The following GANC variants were observed in gnomAD, a reference collection of about 807,000 sequenced individuals.
GANC encodes glucosidase alpha, neutral C.
Under a neutral mutation model 124.2 loss-of-function variants are expected in GANC, and 117 were observed. The ratio of observed to expected loss-of-function variants is 0.94; its 90% CI spans 0.81 to 1.10. The LOEUF is 1.10. Ranked by LOEUF, GANC falls within the 50% of genes least tolerant of loss-of-function variation. The pLI is 0.00. For missense variants in GANC, 1,140 were observed against 1,095.0 expected (o/e 1.04, Z -0.58); for synonymous variants, 377 against 376.8 (o/e 1.00, Z -0.01).
intron 20 of GANC, among the ~76,000 whole-genome samples, chr15:42,346,350 A>C (rs2052363460): frequency 6.6e-6 from 1 of 152,174 alleles, no homozygotes; most frequent in Non-Finnish European, 1.5e-5. Flanking sequence ...GTGCTGGGGC[A>C]GAGGAGGGTT....
At chr15:42,344,257 C>T (rs982858321) in intron 19 of GANC, among the ~76,000 whole-genome samples, 3 of 152,214 alleles carry the variant, frequency 2.0e-5, no homozygotes, top group Non-Finnish European at 4.4e-5. Context: ...AAGGTGTCAT[C>T]AGGGTTGGTT....
intron 2 of GANC, among the ~76,000 whole-genome samples, chr15:42,277,224 C>T (rs2051680035): frequency 6.6e-6 from 1 of 152,154 alleles, no homozygotes; most frequent in South Asian, 2.1e-4. Context: ...ATTTGTACTC[C>T]TATCAACATT....
At chr15:42,328,372 A>C (rs1018893416) in intron 13 of GANC, among the ~76,000 whole-genome samples, 1 of 152,168 alleles carries the variant, frequency 6.6e-6, no homozygotes, top group African/African-American at 2.4e-5. Flanking sequence ...AATATTTACT[A>C]TCTGGACCTT....
intron 15 of GANC, among the ~76,000 whole-genome samples, chr15:42,332,851 T>TATAAAAA (rs2052256582): frequency 8.3e-6 from 1 of 120,516 alleles, no homozygotes; most frequent in Non-Finnish European, 1.7e-5. Context: ...CTGTCTCTAC[T>TATAAAAA]AAAAAAAAAA....
At chr15:42,339,146 C>T (rs571784084) in intron 16 of GANC, among the ~76,000 whole-genome samples, 32 of 152,128 alleles carry the variant, frequency 2.1e-4, no homozygotes, top group Non-Finnish European at 1.8e-4. Flanking sequence ...ATGTACAATA[C>T]AAGGAATATG....
At chr15:42,327,299 T>C in intron 12 of GANC, 64 bp from the exon 13 acceptor site, 2 of 1,232,478 alleles carry the variant, frequency 1.6e-6, no homozygotes, top group Non-Finnish European at 1.2e-6. Flanking sequence ...ATACCTTCTT[T>C]ACAATGCATC....
intron 11 of GANC, among the ~76,000 whole-genome samples, chr15:42,322,497 G>A (rs2052168385): frequency 6.6e-6 from 1 of 152,112 alleles, no homozygotes; most frequent in Admixed American, 6.6e-5. Context: ...GTGGGGACAG[G>A]GCAAGGGCTC....
chr15:42,296,751 T>C (rs1460792974), intron 5 of GANC, among the ~76,000 whole-genome samples: 1 of 152,126 alleles, frequency 6.6e-6, no homozygotes, highest in Non-Finnish European at 1.5e-5. Context: ...AACATATTAT[T>C]TGGATTCGTC....
chr15:42,282,050 C>T (rs1425715968), intron 3 of GANC, among the ~76,000 whole-genome samples: 2 of 151,934 alleles, frequency 1.3e-5, no homozygotes, highest in Non-Finnish European at 2.9e-5. Flanking sequence ...AGGCCGAGTG[C>T]GGTGGCTCAC....
intron 4 of GANC, among the ~76,000 whole-genome samples, chr15:42,290,808 T>TA (rs1217934550): frequency 2.0e-5 from 3 of 152,068 alleles, no homozygotes; most frequent in African/African-American, 7.2e-5. Context: ...ACCCTGTCTC[T>TA]AAAAAAATAA....
At chr15:42,320,076 C>A (rs913602663) in intron 10 of GANC, among the ~76,000 whole-genome samples, 1 of 152,106 alleles carries the variant, frequency 6.6e-6, no homozygotes, top group Non-Finnish European at 1.5e-5. Context: ...CCCAGCTACT[C>A]GGGAGGCTGA....
At chr15:42,347,888 CTAA>C (rs2052379744) in intron 20 of GANC, among the ~76,000 whole-genome samples, 2 of 152,078 alleles carry the variant, frequency 1.3e-5, no homozygotes, top group African/African-American at 4.8e-5. Context: ...GGAAGTTTCC[CTAA>C]TAATTAAAAA....
At chr15:42,336,886 T>C (rs570051850) in intron 15 of GANC, among the ~76,000 whole-genome samples, 4 of 151,780 alleles carry the variant, frequency 2.6e-5, no homozygotes, top group Non-Finnish European at 5.9e-5. Flanking sequence ...GAAAAAAAGC[T>C]CAACATCACT....
chr15:42,330,498 T>C lies in GANC; in HGVS notation c.1645-78T>C, dbSNP rs1001767049. 1.5e-5 allele frequency: 14 copies of C among 958,344 alleles called. No homozygotes were observed. The Admixed American group carries it at 2.9e-4, about 20-fold the overall frequency. The allele number at this position is 958,344 out of a possible 1,614,324, so 59.4% of individuals were successfully genotyped here. On this transcript the variant is annotated intron_variant, in intron 14 of 23. Transcript: ENST00000318010. ...ATGCTCCTGCCTACTGTTTGCTTTTTGTATGTTAGATAGCTTATTGGGGAT... is the reference window on the plus strand; with the variant it reads ...ATGCTCCTGCCTACTGTTTGCTTTTCGTATGTTAGATAGCTTATTGGGGAT...
chr15:42,334,432 G>A (rs1288549686), intron 15 of GANC, among the ~76,000 whole-genome samples: 3 of 152,164 alleles, frequency 2.0e-5, no homozygotes, highest in African/African-American at 4.8e-5. Context: ...AAAGTGCTGG[G>A]ATTACAGGCG....
At chr15:42,306,888 G>C (rs1057118320) in intron 7 of GANC, among the ~76,000 whole-genome samples, 1 of 152,200 alleles carries the variant, frequency 6.6e-6, no homozygotes, top group African/African-American at 2.4e-5. Flanking sequence ...CTGTTCATCA[G>C]ATAAGACAGC....
chr15:42,287,535 A>G (rs1444603570), intron 3 of GANC, among the ~76,000 whole-genome samples, 156 bp from the exon 4 acceptor site: 2 of 152,096 alleles, frequency 1.3e-5, no homozygotes, highest in Non-Finnish European at 2.9e-5. Flanking sequence ...AAGTACATAC[A>G]TAAACTGGGG....
chr15:42,318,862 G>A (rs2052131930), intron 10 of GANC, among the ~76,000 whole-genome samples: 1 of 152,128 alleles, frequency 6.6e-6, no homozygotes. Flanking sequence ...GTGCTTTACA[G>A]GGATTACAGG....
chr15:42,283,657 C>T (rs758905492), intron 3 of GANC: 5 of 702,392 alleles, frequency 7.1e-6, no homozygotes, highest in East Asian at 5.4e-5. Flanking sequence ...GCAGCTTCTC[C>T]GAGGATGCAG....
Sources: allele counts gnomAD v4.1 joint callset (sites outside exome capture counted in the v4.1 genomes callset), GRCh38; gene constraint gnomAD v4.1.1; transcripts MANE v1.5; gene names NCBI Gene and HGNC (gene_info 2026-07-23, HGNC 2026-07-21).